The following NUP205 variants were observed in gnomAD, a reference collection of about 807,000 sequenced individuals.
NUP205 encodes the protein nuclear pore complex protein Nup205.
A neutral mutation model predicts 253.8 loss-of-function variants in NUP205; 76 were observed. The observed-to-expected ratio is 0.30, with a 90% CI of 0.25 to 0.36. The LOEUF (loss-of-function observed/expected upper bound fraction) is 0.36, where lower values mean the gene tolerates loss of function less well. Among genes scored for constraint, NUP205 ranks in the 10% least tolerant of loss-of-function variants. The pLI is 1.00. For synonymous variants in NUP205, 832 were observed against 850.1 expected (o/e 0.98, Z 0.37); for missense variants, 2,162 against 2,425.5 (o/e 0.89, Z 2.28).
At chr7:135,598,320 T>A in intron 15 of NUP205, 113 bp downstream of exon 15, 1 of 969,142 alleles carries the variant, frequency 1.0e-6, no homozygotes, top group Non-Finnish European at 1.5e-6. Context: ...AAATTCACAG[T>A]CTTTGTTTTG....
chr7:135,644,929 A>G lies in NUP205; in HGVS notation c.5594A>G (p.Lys1865Arg). ...TCTGTGATGCCTGCTGGTGTTGATA[A>G]AATCTCCACTGCTCAGAAATATGTT... ...CQSVMPAGVD[K>R]ISTAQKYVLA... Residue 1865 changes from lysine (K) to arginine (R), a missense_variant, in exon 40 of 43, where the codon AAA becomes AGA. By Grantham distance (26) the Lys-to-Arg change is conservative (BLOSUM62 2). Coordinates refer to ENST00000285968, the MANE Select transcript of NUP205 (RefSeq NM_015135.3). 6.2e-7 allele frequency: 1 copy of G among 1,614,042 alleles called. No homozygotes were observed. Among genetic ancestry groups the G allele is most frequent in the Non-Finnish European group, 8.5e-7 (1 of 1,179,950 alleles).
chr7:135,639,210 C>G (rs531559483), intron 38 of NUP205, among the ~76,000 whole-genome samples: 33 of 151,740 alleles, frequency 2.2e-4, no homozygotes, highest in African/African-American at 7.5e-4. Flanking sequence ...AAGAAAAAGC[C>G]CATTAGTATC....
intron 42 of NUP205, among the ~76,000 whole-genome samples, chr7:135,646,482 C>G (rs1795013570): frequency 6.6e-6 from 1 of 152,134 alleles, no homozygotes; most frequent in Admixed American, 6.6e-5. Context: ...TCACCTGAGC[C>G]TGGGAGACTG....
Position 135,622,886 on chromosome 7 carries a change from G to A in NUP205, c.4440G>A (p.Val1480=). 1 of 1,614,100 alleles carries A rather than the reference G, an allele frequency of 6.2e-7. No homozygotes were observed. Residue 1480 remains valine, a synonymous_variant, in exon 31 of 43, where the codon GTG becomes GTA. Transcript: ENST00000285968. ...GTTATGGCGCCGCCCTCATGGAAGTGGTCTGTCGAGATGCTTGTGATGGTC... is the reference window on the plus strand; with the variant it reads ...GTTATGGCGCCGCCCTCATGGAAGTAGTCTGTCGAGATGCTTGTGATGGTC... The part of the protein sequence containing the change: ...IESYGAALME[V]VCRDACDGHE...
intron 31 of NUP205, among the ~76,000 whole-genome samples, chr7:135,624,356 C>T (rs1297279435): frequency 6.6e-6 from 1 of 150,492 alleles, no homozygotes; most frequent in African/African-American, 2.5e-5. Context: ...CATGCACCAC[C>T]ATGCTGGGGT....
rs181766668 is a variant in NUP205 at position 135,577,529 on chromosome 7, G to C, written c.649-267G>C. The stretch of plus-strand genomic sequence containing the variant: ...GTGTCCATAAAATTGACTTGCAGTT[G>C]TTTCAGCTTCGGTATAGTCATTTAT... On this transcript the variant is annotated intron_variant, in intron 5 of 42. Coordinates refer to ENST00000285968, the MANE Select transcript of NUP205 (RefSeq NM_015135.3). 2.0e-5 allele frequency among the ~76,000 whole-genome samples: 3 copies of C among 152,214 alleles called. No homozygotes were observed. The East Asian group carries it at 5.8e-4, about 29-fold the overall frequency.
intron 23 of NUP205, among the ~76,000 whole-genome samples, chr7:135,615,609 T>C (rs1794339478): frequency 6.6e-6 from 1 of 152,196 alleles, no homozygotes; most frequent in Non-Finnish European, 1.5e-5. Context: ...GTTTTATATA[T>C]CAGTGTCAAA....
Position 135,593,191 on chromosome 7 carries a change from G to C in NUP205, c.1829G>C (p.Trp610Ser). The C allele has an allele frequency of 6.2e-7, 1 of 1,613,392 alleles. No homozygotes were observed. The change falls in exon 12 of 43, where the codon TGG becomes TCG. Residue 610 changes from tryptophan to serine, a missense_variant and splice_region_variant. Trp to Ser is a radical substitution (Grantham distance 177, BLOSUM62 -3). This residue lies in a region of NUP205 where 892 missense variants were observed against 957.1 expected (regional missense o/e 0.93). Coordinates refer to ENST00000285968, the MANE Select transcript of NUP205 (RefSeq NM_015135.3). ...CAGCTCACGTCTACCATCATTACTT[G>C]GGTAGGTAACTCATCCCCAGCATAA... ...FLQLTSTIIT[W>S]SENARLALCE...
At chr7:135,588,274 G>A (rs576882718) in intron 10 of NUP205, among the ~76,000 whole-genome samples, 4 of 151,044 alleles carry the variant, frequency 2.6e-5, no homozygotes, top group African/African-American at 7.3e-5. Flanking sequence ...CAGGGTAGTC[G>A]GGACTACAGG....
Position 135,571,279 on chromosome 7 carries a change from AT to A in NUP205, c.171+45del, listed in dbSNP as rs546492942. 151,127 of 953,788 alleles carry A rather than the reference AT, an allele frequency of 0.16. No individual in the cohort carries two copies. The highest frequency in any genetic ancestry group is 0.21 in the East Asian group (4,920 of 23,514). The allele number at this position is 953,788 out of a possible 1,614,324, so 59.1% of individuals were successfully genotyped here. A position where few individuals can be genotyped will look rare whatever the true frequency, so the allele number is the denominator to read the frequency against. On this transcript the variant is annotated intron_variant, in intron 2 of 42. Transcript: ENST00000285968. ...AATTTTCTTTTTCAGTTTTTTTGGG[AT>A]TTTTTTTTTTTTAAGATCGAGGAAG...
chr7:135,596,217 A>C (rs1793832143), intron 13 of NUP205, among the ~76,000 whole-genome samples: 1 of 152,080 alleles, frequency 6.6e-6, no homozygotes, highest in African/African-American at 2.4e-5. Flanking sequence ...TACAGGCGTG[A>C]GCCACCACGC....
At chr7:135,648,102 A>G (rs1028581245) in intron 42 of NUP205, among the ~76,000 whole-genome samples, 1 of 152,078 alleles carries the variant, frequency 6.6e-6, no homozygotes, top group African/African-American at 2.4e-5. Flanking sequence ...CCCTTCAGGA[A>G]ATGTTTTTGT....
At position 135,576,952 on chromosome 7, in the gene NUP205, ATTTCT is replaced by A. The variant is rs749172892; in HGVS notation, c.489-12_489-8del. On this transcript the variant is annotated splice_polypyrimidine_tract_variant and intron_variant, in intron 4 of 42. Transcript: ENST00000285968. ...CAATATTGTTTAACGTAGTTTATTG[ATTTCT>A]TTTCATTACAGTCCAGAGCTGGCTT... 12 of 1,598,630 alleles carry A rather than the reference ATTTCT, an allele frequency of 7.5e-6. No individual in the cohort carries two copies. The highest frequency in any genetic ancestry group is 2.2e-5 in the East Asian group (1 of 44,784).
At chr7:135,640,411 A>AT (rs1227381647) in intron 38 of NUP205, among the ~76,000 whole-genome samples, 1 of 152,166 alleles carries the variant, frequency 6.6e-6, no homozygotes, top group Non-Finnish European at 1.5e-5. Flanking sequence ...CTTTTTGGTA[A>AT]TTATATAAAG....
At position 135,597,953 on chromosome 7, in the gene NUP205, G is replaced by A. The variant is rs200684790; in HGVS notation, c.2065-45G>A. The A allele has an allele frequency of 3.3e-5, 48 of 1,467,524 alleles. No homozygotes were observed. The African/African-American group carries it at 5.8e-4, about 18-fold the overall frequency. The allele number at this position is 1,467,524 out of a possible 1,614,324, so 90.9% of individuals were successfully genotyped here. A position where few individuals can be genotyped will look rare whatever the true frequency, so the allele number is the denominator to read the frequency against. Reference sequence around the variant, plus strand: ...TCTGCATAATACTCTTCACTTCATAGCTAATAGTTTTTATTACCAAGTTTT... The same window carrying A: ...TCTGCATAATACTCTTCACTTCATAACTAATAGTTTTTATTACCAAGTTTT... On this transcript the variant is annotated intron_variant, in intron 14 of 42. Coordinates refer to ENST00000285968, the MANE Select transcript of NUP205 (RefSeq NM_015135.3).
rs184035794 is a variant in NUP205 at position 135,579,522 on chromosome 7, C to T, written c.1042+607C>T. On this transcript the variant is annotated intron_variant, in intron 7 of 42. Coordinates refer to ENST00000285968, the MANE Select transcript of NUP205 (RefSeq NM_015135.3). The stretch of plus-strand genomic sequence containing the variant: ...AAATGTTTTTTAAAATTAAAATATA[C>T]TATTCCTTTTATTTTTATATATTTT... Among the ~76,000 whole-genome samples, 119 of 152,188 alleles carry T rather than the reference C, an allele frequency of 7.8e-4. 2 individuals are homozygous for T. In the South Asian group the frequency reaches 0.017, roughly 22 times the overall value.
intron 13 of NUP205, among the ~76,000 whole-genome samples, chr7:135,595,954 G>A (rs1226658923): frequency 2.0e-5 from 3 of 150,918 alleles, no homozygotes; most frequent in African/African-American, 7.3e-5. Flanking sequence ...TTTTTTTTAA[G>A]ATGAAGTTTT....
chr7:135,573,852 G>A (rs1806070998), intron 3 of NUP205, 27 bp downstream of exon 3: 2 of 1,560,806 alleles, frequency 1.3e-6, no homozygotes, highest in East Asian at 2.3e-5. Flanking sequence ...CTGAAACAGT[G>A]GTAAAATAAT....
chr7:135,601,145 C>A (rs1301848178), intron 16 of NUP205, among the ~76,000 whole-genome samples, 176 bp downstream of exon 16: 1 of 152,088 alleles, frequency 6.6e-6, no homozygotes, highest in Non-Finnish European at 1.5e-5. Flanking sequence ...AATGGAAGAT[C>A]AAGAACACTG....
Sources: allele counts gnomAD v4.1 joint callset (sites outside exome capture counted in the v4.1 genomes callset), GRCh38; gene constraint gnomAD v4.1.1; regional missense constraint gnomAD v4.1.1; transcripts MANE v1.5; gene names NCBI Gene and HGNC (gene_info 2026-07-23, HGNC 2026-07-21).